The following LEPR variants were observed in gnomAD, a reference collection of about 807,000 sequenced individuals.
The protein encoded by LEPR is OB receptor.
In LEPR, 56 loss-of-function variants were observed where a neutral mutation model predicts 114.7. That is an observed-to-expected ratio of 0.49 (90% CI 0.39 to 0.61). LEPR has a LOEUF of 0.61. LEPR is among the 20% of genes least tolerant of loss of function. LEPR has a pLI of 0.00. For synonymous variants in LEPR, 443 were observed against 461.4 expected (o/e 0.96, Z 0.51); for missense variants, 1,202 against 1,352.9 (o/e 0.89, Z 1.75).
chr1:65,477,312 G>T (rs1192592873), intron 2 of LEPR, among the ~76,000 whole-genome samples: 1 of 152,142 alleles, frequency 6.6e-6, no homozygotes, highest in Non-Finnish European at 1.5e-5. Context: ...ATACTAGAAT[G>T]TCAGCTCCAT....
At chr1:65,611,674 C>G (rs915252532) in intron 14 of LEPR, among the ~76,000 whole-genome samples, 2 of 152,188 alleles carry the variant, frequency 1.3e-5, no homozygotes, top group Non-Finnish European at 2.9e-5. Context: ...CCAGACAGTT[C>G]TTATGTTTTC....
chr1:65,499,582 C>A (rs2100518149), intron 2 of LEPR, among the ~76,000 whole-genome samples: 1 of 152,154 alleles, frequency 6.6e-6, no homozygotes, highest in African/African-American at 2.4e-5. Context: ...AGGATAAATT[C>A]CACCACGGAG....
At chr1:65,454,322 A>G (rs1461046394) in intron 2 of LEPR, among the ~76,000 whole-genome samples, 5 of 151,562 alleles carry the variant, frequency 3.3e-5, no homozygotes, top group Non-Finnish European at 4.4e-5. Context: ...TGATCCTGTC[A>G]TTATGATGTT....
At chr1:65,540,787 A>G (rs956368452) in intron 2 of LEPR, among the ~76,000 whole-genome samples, 2 of 151,998 alleles carry the variant, frequency 1.3e-5, no homozygotes, top group African/African-American at 4.8e-5. Context: ...TATTTACTTT[A>G]CTATAATTTT....
chr1:65,494,628 A>C (rs1648057513), intron 2 of LEPR, among the ~76,000 whole-genome samples: 1 of 152,190 alleles, frequency 6.6e-6, no homozygotes, highest in African/African-American at 2.4e-5. Flanking sequence ...TGCTACAGAA[A>C]AATTTAAATT....
chr1:65,524,132 CTGTT>C (rs775372153), intron 2 of LEPR, among the ~76,000 whole-genome samples: 1 of 152,234 alleles, frequency 6.6e-6, no homozygotes, highest in Non-Finnish European at 1.5e-5. Context: ...GAATACATCT[CTGTT>C]TGAGCATTAA....
rs535377439 is a variant in LEPR at position 65,549,886 on chromosome 1, G to A, written c.-20-15660G>A. On this transcript the variant is annotated intron_variant, in intron 2 of 19. Coordinates refer to ENST00000349533, the MANE Select transcript of LEPR (RefSeq NM_002303.6). ...TGCGTTCCTTTGGAGGAGGAGAGGC[G>A]CTCTGCTTTTTAGAGTTTCCAGTTT... is the stretch of plus-strand genomic sequence containing the variant. 2.4e-4 allele frequency among the ~76,000 whole-genome samples: 36 copies of A among 152,236 alleles called. 1 individual carries two copies. The South Asian group carries it at 6.9e-3, about 29-fold the overall frequency.
At chr1:65,609,333 A>G (rs1428342285) in intron 12 of LEPR, among the ~76,000 whole-genome samples, 3 of 152,322 alleles carry the variant, frequency 2.0e-5, no homozygotes, top group Middle Eastern at 3.4e-3. Context: ...ATCTGTTGAT[A>G]TCTTTTAGTA....
chr1:65,583,150 A>G (rs1655102417), intron 5 of LEPR, among the ~76,000 whole-genome samples: 1 of 152,208 alleles, frequency 6.6e-6, no homozygotes. Context: ...TCTGAACTGT[A>G]GAAAATTCCC....
At chr1:65,468,876 A>G (rs976408353) in intron 2 of LEPR, among the ~76,000 whole-genome samples, 1 of 152,226 alleles carries the variant, frequency 6.6e-6, no homozygotes, top group African/African-American at 2.4e-5. Context: ...GCTGGGAGCT[A>G]TGCTTAATAG....
intron 2 of LEPR, among the ~76,000 whole-genome samples, chr1:65,442,150 GAGACTTA>G (rs973507865): frequency 1.3e-5 from 2 of 152,104 alleles, no homozygotes; most frequent in African/African-American, 4.8e-5. Context: ...TCTGCTATAT[GAGACTTA>G]AGCCCTTTTT....
chr1:65,518,223 A>C (rs1649387728), intron 2 of LEPR, among the ~76,000 whole-genome samples: 1 of 152,116 alleles, frequency 6.6e-6, no homozygotes, highest in African/African-American at 2.4e-5. Flanking sequence ...TTAAATTTCA[A>C]AGTGGCAGTG....
chr1:65,581,061 G>A (rs1483356181), intron 5 of LEPR, among the ~76,000 whole-genome samples: 3 of 152,122 alleles, frequency 2.0e-5, no homozygotes, highest in Admixed American at 6.5e-5. Context: ...ACTCCTGCCA[G>A]CATTCTTGAT....
intron 1 of LEPR, among the ~76,000 whole-genome samples, chr1:65,424,811 A>G (rs755995880): frequency 2.0e-5 from 3 of 152,036 alleles, no homozygotes; most frequent in Non-Finnish European, 4.4e-5. Flanking sequence ...CTCTTCTTAT[A>G]AGGGCACTCA....
chr1:65,452,177 G>A (rs1219624342), intron 2 of LEPR, among the ~76,000 whole-genome samples: 1 of 152,080 alleles, frequency 6.6e-6, no homozygotes, highest in African/African-American at 2.4e-5. Flanking sequence ...GGAGATTTTG[G>A]GCTGAGACAA....
chr1:65,515,126 G>A (rs1649222271), intron 2 of LEPR, among the ~76,000 whole-genome samples: 1 of 152,194 alleles, frequency 6.6e-6, no homozygotes, highest in Non-Finnish European at 1.5e-5. Flanking sequence ...GGTTGAGGGA[G>A]GGATGCTGTG....
intron 2 of LEPR, among the ~76,000 whole-genome samples, chr1:65,454,991 CT>C (rs1359666209): frequency 1.6e-4 from 25 of 152,198 alleles, no homozygotes; most frequent in African/African-American, 6.0e-4. Context: ...TCTTTTTATT[CT>C]TTTTTCTCTA....
At chr1:65,572,290 G>GTTTTTTT (rs747467075) in intron 4 of LEPR, 36 bp from the exon 5 acceptor site, 175 of 799,806 alleles carry the variant, frequency 2.2e-4, no homozygotes, top group African/African-American at 3.8e-4. Flanking sequence ...TCATGTAGTT[G>GTTTTTTT]TTTTTTTTTT....
At chr1:65,449,916 G>A (rs1202973105) in intron 2 of LEPR, among the ~76,000 whole-genome samples, 1 of 151,776 alleles carries the variant, frequency 6.6e-6, no homozygotes. Flanking sequence ...TCTAAGCACT[G>A]TTTTTACTGT....
Sources: allele counts gnomAD v4.1 joint callset (sites outside exome capture counted in the v4.1 genomes callset), GRCh38; gene constraint gnomAD v4.1.1; transcripts MANE v1.5; gene names NCBI Gene and HGNC (gene_info 2026-07-23, HGNC 2026-07-21).